The following SLC24A2 variants were observed in gnomAD, a reference collection of about 807,000 sequenced individuals.
SLC24A2 encodes the protein solute carrier family 24 member 2.
Under a neutral mutation model 62.0 loss-of-function variants are expected in SLC24A2, and 36 were observed. That is an observed-to-expected ratio of 0.58 (90% confidence interval 0.44 to 0.77). The LOEUF (loss-of-function observed/expected upper bound fraction) is 0.77, where lower values mean the gene tolerates loss of function less well. Among genes scored for constraint, SLC24A2 ranks in the 30% least tolerant of loss-of-function variants. SLC24A2 has a pLI of 0.00. For synonymous variants in SLC24A2, 358 were observed against 294.0 expected (o/e 1.22, Z -2.23); for missense variants, 846 against 817.9 (o/e 1.03, Z -0.42).
chr9:20,172,583 A>G, the SLC24A2 span, among the ~76,000 whole-genome samples: 12 of 152,098 alleles, frequency 7.9e-5, no homozygotes, highest in Admixed American at 2.6e-4. Flanking sequence ...TTATGCACAT[A>G]AACTTGAAAA....
chr9:19,780,836 G>A (rs1173160252), intron 2 of SLC24A2, among the ~76,000 whole-genome samples: 1 of 134,218 alleles, frequency 7.5e-6, no homozygotes, highest in Non-Finnish European at 1.5e-5. Flanking sequence ...TCGCGCCACC[G>A]CTCTCCAGCC....
chr9:19,530,078 CTT>C (rs11365952), intron 8 of SLC24A2, among the ~76,000 whole-genome samples: 2,244 of 124,866 alleles, frequency 0.018, 38 homozygotes, highest in African/African-American at 0.048. Context: ...ATAAAAGCAG[CTT>C]TTTTTTTTTT....
the SLC24A2 span, among the ~76,000 whole-genome samples, chr9:19,948,881 A>T: frequency 7.9e-5 from 12 of 152,062 alleles, 1 homozygote; most frequent in East Asian, 1.5e-3. Context: ...AACAGAGCTA[A>T]CAAAAGGTGG....
chr9:20,130,008 A>G, the SLC24A2 span, among the ~76,000 whole-genome samples: 1 of 150,560 alleles, frequency 6.6e-6, no homozygotes, highest in East Asian at 1.9e-4. Flanking sequence ...CTGCAATTCT[A>G]TTTCTTCTGA....
intron 8 of SLC24A2, among the ~76,000 whole-genome samples, chr9:19,532,372 A>T (rs752789860): frequency 6.6e-6 from 1 of 152,214 alleles, no homozygotes; most frequent in South Asian, 2.1e-4. Flanking sequence ...CTGGGACTAC[A>T]GGTGTGAGAT....
the SLC24A2 span, among the ~76,000 whole-genome samples, chr9:19,812,380 ACT>A: frequency 2.6e-5 from 4 of 151,878 alleles, no homozygotes; most frequent in African/African-American, 9.7e-5. Flanking sequence ...TTAGTGCATC[ACT>A]CTAGGTATTT....
chr9:20,197,063 GTC>G, the SLC24A2 span, among the ~76,000 whole-genome samples: 2 of 152,126 alleles, frequency 1.3e-5, no homozygotes, highest in African/African-American at 4.8e-5. Context: ...GGATTAGGTT[GTC>G]TCTGTTTTAT....
the SLC24A2 span, among the ~76,000 whole-genome samples, chr9:20,179,119 T>G: frequency 3.3e-5 from 5 of 152,048 alleles, no homozygotes; most frequent in African/African-American, 1.2e-4. Context: ...AATATCTCAA[T>G]TTAGAAACTG....
At chr9:19,857,484 C>T in the SLC24A2 span, among the ~76,000 whole-genome samples, 1 of 152,172 alleles carries the variant, frequency 6.6e-6, no homozygotes, top group African/African-American at 2.4e-5. Context: ...TTCAGTCTTC[C>T]AATTCATAAA....
At chr9:19,527,780 G>A (rs1360486148) in intron 9 of SLC24A2, among the ~76,000 whole-genome samples, 1 of 152,164 alleles carries the variant, frequency 6.6e-6, no homozygotes, top group Non-Finnish European at 1.5e-5. Flanking sequence ...GGGTTGTCCT[G>A]GTGTCTGTCA....
At chr9:19,959,860 C>T in the SLC24A2 span, among the ~76,000 whole-genome samples, 2 of 152,140 alleles carry the variant, frequency 1.3e-5, no homozygotes, top group East Asian at 1.9e-4. Flanking sequence ...GTGATTATCC[C>T]ACTTTAAAAA....
At chr9:20,142,972 G>A in the SLC24A2 span, among the ~76,000 whole-genome samples, 9 of 152,300 alleles carry the variant, frequency 5.9e-5, no homozygotes, top group African/African-American at 1.9e-4. Flanking sequence ...TCCATTCAAT[G>A]CATGATCACA....
chr9:19,958,614 A>G, the SLC24A2 span, among the ~76,000 whole-genome samples: 12 of 152,246 alleles, frequency 7.9e-5, no homozygotes, highest in African/African-American at 2.9e-4. Flanking sequence ...ACACTGAACA[A>G]GACACAATCT....
chr9:19,830,225 A>C, the SLC24A2 span, among the ~76,000 whole-genome samples: 1 of 152,200 alleles, frequency 6.6e-6, no homozygotes, highest in Non-Finnish European at 1.5e-5. Context: ...AGAAATTGCT[A>C]GACACTTTGT....
At chr9:19,913,871 C>CT in the SLC24A2 span, among the ~76,000 whole-genome samples, 364 of 151,882 alleles carry the variant, frequency 2.4e-3, 6 homozygotes, top group East Asian at 0.06. Flanking sequence ...ATACTTAATT[C>CT]TTTTTTTTCT....
intron 2 of SLC24A2, among the ~76,000 whole-genome samples, chr9:19,780,275 C>CT (rs10645333): frequency 0.44 from 64,462 of 146,964 alleles, 14,497 homozygotes; most frequent in Admixed American, 0.52. Flanking sequence ...TTTTCTTTTT[C>CT]TTTTTTTTTT....
chr9:19,831,013 G>A, the SLC24A2 span, among the ~76,000 whole-genome samples: 11 of 152,260 alleles, frequency 7.2e-5, no homozygotes, highest in East Asian at 2.1e-3. Flanking sequence ...GGAGCACTGT[G>A]TCCTCACTTG....
At chr9:19,827,776 T>C in the SLC24A2 span, among the ~76,000 whole-genome samples, 2 of 152,324 alleles carry the variant, frequency 1.3e-5, no homozygotes, top group Admixed American at 1.3e-4. Context: ...TTTCTGCTTA[T>C]TAGCTGGGTG....
At chr9:19,811,780 C>A in the SLC24A2 span, among the ~76,000 whole-genome samples, 1 of 151,966 alleles carries the variant, frequency 6.6e-6, no homozygotes, top group Non-Finnish European at 1.5e-5. Flanking sequence ...TATTTTATTT[C>A]TATACATATT....
Sources: allele counts gnomAD v4.1 joint callset (sites outside exome capture counted in the v4.1 genomes callset), GRCh38; gene constraint gnomAD v4.1.1; transcripts MANE v1.5; gene names NCBI Gene and HGNC (gene_info 2026-07-23, HGNC 2026-07-21).